The following ARID2 variants were observed in gnomAD, a reference collection of about 807,000 sequenced individuals.
The protein encoded by ARID2 is AT-rich interaction domain 2.
In ARID2, 32 loss-of-function variants were observed where a neutral mutation model predicts 184.6. That is an observed-to-expected ratio of 0.17 (90% CI 0.13 to 0.23). The LOEUF (loss-of-function observed/expected upper bound fraction) is 0.23. Among genes scored for constraint, ARID2 ranks in the 10% least tolerant of loss-of-function variants. ARID2 has a pLI of 1.00. For missense variants in ARID2, 1,696 were observed against 2,197.6 expected (o/e 0.77, Z 4.56); for synonymous variants, 836 against 772.6 (o/e 1.08, Z -1.36).
At chr12:45,758,470 C>T (rs897105808) in intron 3 of ARID2, among the ~76,000 whole-genome samples, 2 of 151,838 alleles carry the variant, frequency 1.3e-5, no homozygotes, top group Non-Finnish European at 2.9e-5. Flanking sequence ...CCAGTGTGAC[C>T]TAGGGAAGCC....
chr12:45,778,244 T>TC (rs554636147), intron 3 of ARID2, among the ~76,000 whole-genome samples: 29 of 150,472 alleles, frequency 1.9e-4, no homozygotes, highest in South Asian at 6.4e-4. Context: ...TTATATGTGT[T>TC]CCCCCCCCAA....
rs2138163883 is a variant in ARID2, at chr12:45,850,655, T to C, written c.2532T>C (p.Asp844=). ...CATCAGCTGGTAGCCAGTCACAAGA[T>C]ACTGTTATCATAGCACCCCCACAGT... ...QQTSAGSQSQ[D]TVIIAPPQYV... is the part of the protein sequence containing the mutation. Residue 844 remains aspartate (D), a synonymous_variant, in exon 15 of 21, where the codon GAT becomes GAC. Coordinates refer to ENST00000334344, the MANE Select transcript of ARID2 (RefSeq NM_152641.4). The C allele has an allele frequency of 6.2e-7, 1 of 1,614,132 alleles. No individual in the cohort carries two copies. The highest frequency in any genetic ancestry group is 8.5e-7 in the Non-Finnish European group (1 of 1,180,004).
intron 3 of ARID2, among the ~76,000 whole-genome samples, chr12:45,760,491 G>C (rs182525767): frequency 1.3e-5 from 2 of 151,706 alleles, no homozygotes; most frequent in Non-Finnish European, 2.9e-5. Context: ...TTCTGCGTGT[G>C]TGTTTTTTTG....
chr12:45,822,448 A>C (rs1484175657), intron 6 of ARID2, among the ~76,000 whole-genome samples: 1 of 152,024 alleles, frequency 6.6e-6, no homozygotes, highest in Admixed American at 6.6e-5. Context: ...AGGTGGGAGG[A>C]TTGCTTGCTT....
At chr12:45,806,765 A>G (rs777053587) in intron 3 of ARID2, among the ~76,000 whole-genome samples, 12 of 152,126 alleles carry the variant, frequency 7.9e-5, no homozygotes, top group Non-Finnish European at 1.3e-4. Context: ...TCTTGAAGTT[A>G]TCACATCAGT....
intron 16 of ARID2, among the ~76,000 whole-genome samples, chr12:45,868,357 C>T (rs1212735325): frequency 2.0e-5 from 3 of 152,152 alleles, no homozygotes; most frequent in African/African-American, 7.2e-5. Context: ...ACGAGAATCG[C>T]TTGAACCCAG....
intron 4 of ARID2, among the ~76,000 whole-genome samples, chr12:45,813,211 G>A (rs942974986): frequency 2.0e-5 from 3 of 152,018 alleles, no homozygotes; most frequent in African/African-American, 7.2e-5. Context: ...TCATGAAGAG[G>A]AAGAAACTGG....
At chr12:45,873,565 A>G (rs1943959537) in intron 16 of ARID2, among the ~76,000 whole-genome samples, 1 of 152,136 alleles carries the variant, frequency 6.6e-6, no homozygotes. Flanking sequence ...ATGACTTTCA[A>G]ACAATAGTAC....
At chr12:45,873,224 A>G (rs1194768059) in intron 16 of ARID2, among the ~76,000 whole-genome samples, 1 of 152,144 alleles carries the variant, frequency 6.6e-6, no homozygotes, top group Non-Finnish European at 1.5e-5. Context: ...GTGTTAATAT[A>G]GTTTATCTTT....
chr12:45,772,795 A>G (rs1471738424), intron 3 of ARID2, among the ~76,000 whole-genome samples: 1 of 152,228 alleles, frequency 6.6e-6, no homozygotes, highest in African/African-American at 2.4e-5. Flanking sequence ...GCAATTTAAA[A>G]ATAATGGTTG....
chr12:45,837,734 T>C (rs765171752), intron 10 of ARID2, 27 bp downstream of exon 10: 1 of 1,596,922 alleles, frequency 6.3e-7, no homozygotes, highest in Non-Finnish European at 8.6e-7. Context: ...AAACACTTAT[T>C]TTCTTTATTG....
intron 11 of ARID2, 107 bp from the exon 12 acceptor site, chr12:45,846,749 T>A: frequency 1.1e-6 from 1 of 933,912 alleles, no homozygotes; most frequent in Non-Finnish European, 1.7e-6. Context: ...ATACACCTTT[T>A]AAAAAGGTAT....
intron 6 of ARID2, among the ~76,000 whole-genome samples, chr12:45,833,341 T>C (rs1943157411): frequency 6.6e-6 from 1 of 152,202 alleles, no homozygotes; most frequent in Admixed American, 6.5e-5. Flanking sequence ...TTGTCCTATA[T>C]TATCCATTTA....
In ARID2 at chr12:45,830,988, G is replaced by A. The variant is rs560397935; in HGVS notation, c.706-5601G>A. Among the ~76,000 whole-genome samples, 413 of 151,512 alleles carry A rather than the reference G, an allele frequency of 2.7e-3. 3 individuals carry two copies. The highest frequency in any genetic ancestry group is 9.4e-3 in the African/African-American group (388 of 41,236). On this transcript the variant is annotated intron_variant, in intron 6 of 20. Coordinates refer to ENST00000334344, the MANE Select transcript of ARID2 (RefSeq NM_152641.4). ...CAGGAGAATCACTTGAGCCCAGGAG[G>A]CAGAGGTTGCAGTGAGCCGAGATCA...
At chr12:45,786,648 A>G (rs1216595220) in intron 3 of ARID2, among the ~76,000 whole-genome samples, 1 of 152,240 alleles carries the variant, frequency 6.6e-6, no homozygotes, top group Non-Finnish European at 1.5e-5. Context: ...TATATGTCCA[A>G]AGGGAAAGAA....
chr12:45,811,667 G>C, intron 4 of ARID2, 116 bp downstream of exon 4: 1 of 1,033,744 alleles, frequency 9.7e-7, no homozygotes, highest in Non-Finnish European at 1.3e-6. Context: ...AGGCCTTAAG[G>C]TAATGCAGCT....
At position 45,848,114 on chromosome 12, in the gene ARID2, T is replaced by A. The variant is rs73292533; in HGVS notation, c.1581-722T>A. Among the ~76,000 whole-genome samples, 853 of 152,024 alleles carry A rather than the reference T, an allele frequency of 5.6e-3. 6 individuals carry two copies. The highest frequency in any genetic ancestry group is 0.019 in the African/African-American group (788 of 41,512). Reference sequence around the variant, plus strand: ...GAGAATCATTTTACAGTTTTTTTTTTAAATCATAATTACTATTTGATTTAG... The same window carrying A: ...GAGAATCATTTTACAGTTTTTTTTTAAAATCATAATTACTATTTGATTTAG... On this transcript the variant is annotated intron_variant, in intron 12 of 20. Transcript: ENST00000334344.
At chr12:45,793,298 T>TA (rs76878100) in intron 3 of ARID2, among the ~76,000 whole-genome samples, 39 of 147,270 alleles carry the variant, frequency 2.6e-4, no homozygotes, top group Admixed American at 3.4e-4. Context: ...GAACCTCCAT[T>TA]AAAAAAAAAA....
chr12:45,778,189 A>G (rs1165361961), intron 3 of ARID2, among the ~76,000 whole-genome samples: 1 of 152,136 alleles, frequency 6.6e-6, no homozygotes, highest in Non-Finnish European at 1.5e-5. Context: ...CTGGGGGACA[A>G]GAGCGAGACT....
Sources: allele counts gnomAD v4.1 joint callset (sites outside exome capture counted in the v4.1 genomes callset), GRCh38; gene constraint gnomAD v4.1.1; transcripts MANE v1.5; gene names NCBI Gene and HGNC (gene_info 2026-07-23, HGNC 2026-07-21).